Variants in CAMTA1 observed in about 807,000 individuals in gnomAD.
CAMTA1 encodes calmodulin binding transcription activator 1, also known as calmodulin-binding transcription activator 1.
In CAMTA1, 27 loss-of-function variants were observed where a neutral mutation model predicts 170.9. That is an observed-to-expected ratio of 0.16 (90% CI 0.12 to 0.22). CAMTA1 has a LOEUF of 0.22. CAMTA1 is among the 10% of genes least tolerant of loss of function. The probability of loss-of-function intolerance (pLI) is 1.00; values close to 1 mark genes in which losing one functional copy is unlikely to be tolerated. For missense variants in CAMTA1, 1,619 were observed against 2,217.2 expected (o/e 0.73, Z 5.42); for synonymous variants, 833 against 891.5 (o/e 0.93, Z 1.17).
chr1:7,411,293 G>A (rs1227216197), intron 5 of CAMTA1, among the ~76,000 whole-genome samples: 2 of 152,270 alleles, frequency 1.3e-5, no homozygotes, highest in East Asian at 3.9e-4. Context: ...CGCAATGACA[G>A]TTCTAGTCCC....
At chr1:7,378,087 A>G (rs2086983422) in intron 5 of CAMTA1, among the ~76,000 whole-genome samples, 1 of 152,152 alleles carries the variant, frequency 6.6e-6, no homozygotes, top group South Asian at 2.1e-4. Flanking sequence ...TTTACAGAAC[A>G]AGTTCGCAAA....
chr1:7,270,335 C>T (rs1210742225), intron 5 of CAMTA1, among the ~76,000 whole-genome samples: 1 of 143,446 alleles, frequency 7.0e-6, no homozygotes, highest in East Asian at 2.0e-4. Flanking sequence ...ACTCTTGTTA[C>T]CCAGGTTGGA....
chr1:7,270,305 T>C lies in CAMTA1; in HGVS notation c.438+20679T>C, dbSNP rs1008922502. ...TATATATATATATTTTTTTTTTTTT[T>C]TCTTGTGAGATGGAGTTTCACTCTT... On this transcript the variant is annotated intron_variant, in intron 5 of 22. Transcript: ENST00000303635. 2.0e-3 allele frequency among the ~76,000 whole-genome samples: 284 copies of C among 142,360 alleles called. 3 individuals carry two copies. The highest frequency in any genetic ancestry group is 7.0e-3 in the African/African-American group (277 of 39,532). 93.4% of individuals were successfully genotyped at this position (142,360 alleles called of 152,430 possible). A position where few individuals can be genotyped will look rare whatever the true frequency, so the allele number is the denominator to read the frequency against.
intron 5 of CAMTA1, among the ~76,000 whole-genome samples, chr1:7,298,847 G>C (rs1333916567): frequency 1.3e-5 from 2 of 152,144 alleles, no homozygotes; most frequent in Non-Finnish European, 2.9e-5. Context: ...GGGCTCAGAA[G>C]AGAATCACCA....
intron 6 of CAMTA1, among the ~76,000 whole-genome samples, chr1:7,492,742 C>CGT (rs140307840): frequency 0.031 from 739 of 24,010 alleles, 7 homozygotes; most frequent in African/African-American, 0.14. Context: ...CATACACACA[C>CGT]GCGCGCACAC....
chr1:7,493,077 A>G, intron 6 of CAMTA1, among the ~76,000 whole-genome samples: 1 of 145,394 alleles, frequency 6.9e-6, no homozygotes, highest in Non-Finnish European at 1.5e-5. Flanking sequence ...ACACACAGAC[A>G]TACAAACGTG....
rs910777552 is a variant in CAMTA1 at position 6,994,770 on chromosome 1, C to T, written c.235-96534C>T. Among the ~76,000 whole-genome samples the T allele has an allele frequency of 5.9e-5, 9 of 152,090 alleles. No individual in the cohort carries two copies. The South Asian group carries it at 8.3e-4, about 14-fold the overall frequency. Reference sequence around the variant, plus strand: ...GCAACCTCCACCTCCCAGGCTCAAACGATCCTCTCCCCTCAGCCTCCTGAA... The same window carrying T: ...GCAACCTCCACCTCCCAGGCTCAAATGATCCTCTCCCCTCAGCCTCCTGAA... On this transcript the variant is annotated intron_variant, in intron 3 of 22. Coordinates refer to ENST00000303635, the MANE Select transcript of CAMTA1 (RefSeq NM_015215.4).
chr1:7,415,018 C>T (rs1277473529), intron 5 of CAMTA1, among the ~76,000 whole-genome samples: 1 of 149,640 alleles, frequency 6.7e-6, no homozygotes, highest in African/African-American at 2.5e-5. Context: ...CGTTATGTAC[C>T]CAGTAGTCAT....
At chr1:7,243,828 G>A (rs1665308524) in intron 4 of CAMTA1, among the ~76,000 whole-genome samples, 1 of 152,154 alleles carries the variant, frequency 6.6e-6, no homozygotes, top group Non-Finnish European at 1.5e-5. Context: ...ACATAGGAAT[G>A]GGCAAGGACT....
intron 4 of CAMTA1, among the ~76,000 whole-genome samples, chr1:7,118,477 T>C (rs1644464851): frequency 6.6e-6 from 1 of 151,406 alleles, no homozygotes; most frequent in Non-Finnish European, 1.5e-5. Flanking sequence ...AAAAATTTTT[T>C]TTTGGAGAGT....
intron 6 of CAMTA1, among the ~76,000 whole-genome samples, chr1:7,500,067 G>A (rs1300449694): frequency 3.7e-5 from 5 of 135,212 alleles, no homozygotes; most frequent in African/African-American, 8.6e-5. Flanking sequence ...GTACGTATAT[G>A]AGTGTGTGTG....
At chr1:7,559,853 G>C (rs2094934004) in intron 6 of CAMTA1, among the ~76,000 whole-genome samples, 1 of 152,156 alleles carries the variant, frequency 6.6e-6, no homozygotes, top group Non-Finnish European at 1.5e-5. Flanking sequence ...GGGGAGGGGG[G>C]CCTCAGGGCC....
chr1:7,027,341 T>C (rs1440867758), intron 3 of CAMTA1, among the ~76,000 whole-genome samples: 4 of 152,180 alleles, frequency 2.6e-5, no homozygotes, highest in African/African-American at 4.8e-5. Context: ...TGCATTTAAA[T>C]ATCTGCAATT....
At chr1:6,865,620 A>G (rs1402258184) in intron 3 of CAMTA1, among the ~76,000 whole-genome samples, 1 of 152,246 alleles carries the variant, frequency 6.6e-6, no homozygotes, top group Non-Finnish European at 1.5e-5. Context: ...GAGGATCAGT[A>G]TAATCATAGT....
chr1:6,899,545 C>CGT (rs1491384648), intron 3 of CAMTA1, among the ~76,000 whole-genome samples: 1 of 74,738 alleles, frequency 1.3e-5, no homozygotes, highest in Non-Finnish European at 2.8e-5. Context: ...ATAACGCGCA[C>CGT]GCGCGCGCGC....
chr1:7,152,689 C>A (rs528449018), intron 4 of CAMTA1, among the ~76,000 whole-genome samples: 1 of 152,210 alleles, frequency 6.6e-6, no homozygotes, highest in African/African-American at 2.4e-5. Flanking sequence ...TCCCAGGAGG[C>A]GCCTCTGAGT....
chr1:7,437,635 A>G (rs780337839), intron 5 of CAMTA1, among the ~76,000 whole-genome samples: 4 of 152,182 alleles, frequency 2.6e-5, no homozygotes, highest in Admixed American at 6.5e-5. Context: ...ACAACATTCA[A>G]TCCATAACCG....
intron 4 of CAMTA1, among the ~76,000 whole-genome samples, chr1:7,095,317 G>A (rs1169508487): frequency 2.0e-5 from 3 of 152,186 alleles, no homozygotes; most frequent in Admixed American, 1.3e-4. Flanking sequence ...ATAGAAAGGT[G>A]AGCCTGAGTG....
chr1:7,656,917 A>G (rs1414690538), intron 7 of CAMTA1, among the ~76,000 whole-genome samples: 1 of 152,224 alleles, frequency 6.6e-6, no homozygotes, highest in East Asian at 1.9e-4. Context: ...TACGAGGGCT[A>G]GGTCAGCATT....
Sources: allele counts gnomAD v4.1 joint callset (sites outside exome capture counted in the v4.1 genomes callset), GRCh38; gene constraint gnomAD v4.1.1; transcripts MANE v1.5; gene names NCBI Gene and HGNC (gene_info 2026-07-23, HGNC 2026-07-21).